The following CYP11B2 variants were observed in gnomAD, a reference collection of about 807,000 sequenced individuals.
The protein encoded by CYP11B2 is cytochrome P450 family 11 subfamily B member 2.
Under a neutral mutation model 49.3 loss-of-function variants are expected in CYP11B2, and 38 were observed. The observed-to-expected ratio is 0.77, with a 90% CI of 0.59 to 1.01. The LOEUF (loss-of-function observed/expected upper bound fraction) is 1.01, where lower values mean the gene tolerates loss of function less well. Ranked by LOEUF, CYP11B2 falls within the 50% of genes least tolerant of loss-of-function variation. CYP11B2 has a pLI of 0.00. For missense variants in CYP11B2, 669 were observed against 655.5 expected (o/e 1.02, Z -0.23); for synonymous variants, 290 against 269.3 (o/e 1.08, Z -0.75).
chr8:142,913,310 G>C lies in CYP11B2; in HGVS notation c.1096C>G (p.Arg366Gly). The C allele has an allele frequency of 6.2e-7, 1 of 1,613,868 alleles. No homozygotes were observed. Among genetic ancestry groups the C allele is most frequent in the Non-Finnish European group, 8.5e-7 (1 of 1,179,998 alleles). ...QKATTELPLL[R>G]AALKETLRLY... ...CGCAAGGTCTCCTTGAGGGCCGCCCGCAGCAAGGGCAGCTCGGTGGTTGCC... is the reference window on the plus strand; with the variant it reads ...CGCAAGGTCTCCTTGAGGGCCGCCCCCAGCAAGGGCAGCTCGGTGGTTGCC... The change falls in exon 6 of 9, where the codon CGG (arginine) becomes GGG (glycine). Residue 366 changes from arginine (R) to glycine (G), a missense_variant. Physicochemically the swap from Arg to Gly is moderately radical, Grantham distance 125 (BLOSUM62 -2). Coordinates refer to ENST00000323110, the MANE Select transcript of CYP11B2 (RefSeq NM_000498.3).
intron 1 of CYP11B2, 52 bp from the exon 2 acceptor site, chr8:142,917,266 C>T: frequency 8.1e-6 from 13 of 1,595,418 alleles, no homozygotes; most frequent in Non-Finnish European, 1.1e-5. Context: ...CCCTCGTGGC[C>T]CCACCCTGCA....
chr8:142,913,463 A>G lies in CYP11B2; in HGVS notation c.955-12T>C, dbSNP rs2130326917. The G allele has an allele frequency of 1.9e-6, 3 of 1,614,018 alleles. No individual in the cohort carries two copies. The highest frequency in any genetic ancestry group is 1.6e-4 in the Middle Eastern group (1 of 6,062). The stretch of plus-strand genomic sequence containing the variant: ...AAGGGAAACGCTGTCTACAGAAGCC[A>G]TGTCTGCAGGGTCAGACCTTGCACA... On this transcript the variant is annotated splice_polypyrimidine_tract_variant and intron_variant, in intron 5 of 8. Transcript: ENST00000323110.
intron 5 of CYP11B2, 83 bp from the exon 6 acceptor site, chr8:142,913,534 T>C: frequency 1.9e-6 from 3 of 1,544,464 alleles, no homozygotes; most frequent in Non-Finnish European, 2.7e-6. Flanking sequence ...AACCTCCCTC[T>C]GAGGGGTGGA....
chr8:142,914,383 C>T lies in CYP11B2; in HGVS notation c.835G>A (p.Ala279Thr). 6.2e-7 allele frequency: 1 copy of T among 1,613,436 alleles called. No homozygotes were observed. The highest frequency in any genetic ancestry group is 8.5e-7 in the Non-Finnish European group (1 of 1,179,538). Residue 279 changes from alanine to threonine, a missense_variant, in exon 5 of 9, where the codon GCC (alanine) becomes ACC (threonine). Coordinates refer to ENST00000323110, the MANE Select transcript of CYP11B2 (RefSeq NM_000498.3). ...GTGTAGTGTTGAGGGCGGTTGAAGG[C>T]CAGTTCCTGGTAGATTTTCTGGATA... is the stretch of plus-strand genomic sequence containing the variant. ...NCIQKIYQEL[A>T]FNRPQHYTGI... is the part of the protein sequence containing the mutation.
chr8:142,913,575 C>T lies in CYP11B2; in HGVS notation c.955-124G>A, dbSNP rs1189840547. 17 of 1,081,244 alleles carry T rather than the reference C, an allele frequency of 1.6e-5. No individual in the cohort carries two copies. The East Asian group carries it at 4.3e-4, about 27-fold the overall frequency. The allele number at this position is 1,081,244 out of a possible 1,614,324, so 67.0% of individuals were successfully genotyped here. A position where few individuals can be genotyped will look rare whatever the true frequency, so the allele number is the denominator to read the frequency against. On this transcript the variant is annotated intron_variant, in intron 5 of 8. Coordinates refer to ENST00000323110, the MANE Select transcript of CYP11B2 (RefSeq NM_000498.3). Reference sequence around the variant, plus strand: ...CCATGCCCTGAGCAAAAACAGAGCCCTGGGACCCCGGATCTGAAACCTTGA... The same window carrying T: ...CCATGCCCTGAGCAAAAACAGAGCCTTGGGACCCCGGATCTGAAACCTTGA...
rs1157420759 is a variant in CYP11B2 at position 142,912,037 on chromosome 8, G to A, written c.1455C>T (p.Tyr485=). 2.5e-6 allele frequency: 4 copies of A among 1,613,972 alleles called. No individual in the cohort carries two copies. The highest frequency in any genetic ancestry group is 1.6e-4 in the Middle Eastern group (1 of 6,084). ...ACGTGCCAGGCCTCAATATGAAGCT[G>A]TAGACCATCTTTATGTCCTCTTGAG... ...TLTQEDIKMV[Y]SFILRPGTSP... is the part of the protein sequence containing the mutation. The change falls in exon 9 of 9, where the codon TAC becomes TAT. Residue 485 remains tyrosine, a synonymous_variant. Transcript: ENST00000323110.
At chr8:142,913,250 G>C in intron 6 of CYP11B2, 35 bp downstream of exon 6, 1 of 1,608,366 alleles carries the variant, frequency 6.2e-7, no homozygotes, top group Middle Eastern at 1.8e-4. Flanking sequence ...CCAGCAGGGG[G>C]CCAGGGCCAC....
At chr8:142,913,639 A>C (rs1817582060) in intron 5 of CYP11B2, among the ~76,000 whole-genome samples, 188 bp from the exon 6 acceptor site, 1 of 152,050 alleles carries the variant, frequency 6.6e-6, no homozygotes, top group Admixed American at 6.5e-5. Flanking sequence ...CTTCAGGGAA[A>C]GGTGACCCCC....
Position 142,914,393 on chromosome 8 carries a change from G to T in CYP11B2, c.825C>A (p.Tyr275Ter). 6.2e-7 allele frequency: 1 copy of T among 1,612,296 alleles called. No homozygotes were observed. The highest frequency in any genetic ancestry group is 8.5e-7 in the Non-Finnish European group (1 of 1,179,528). Reference protein sequence around the residue: ...QYGDNCIQKIYQELAFNRPQH... With the variant: ...QYGDNCIQKI Reference sequence around the variant, plus strand: ...GAGGGCGGTTGAAGGCCAGTTCCTGGTAGATTTTCTGGATACAGTTGTCAC... The same window carrying T: ...GAGGGCGGTTGAAGGCCAGTTCCTGTTAGATTTTCTGGATACAGTTGTCAC... The change falls in exon 5 of 9, where the codon TAC (tyrosine) becomes TAA (stop). Residue 275 changes from tyrosine (Y) to a stop codon, truncating the protein, a stop_gained. Coordinates refer to ENST00000323110, the MANE Select transcript of CYP11B2 (RefSeq NM_000498.3). LOFTEE classifies it high-confidence loss of function.
intron 6 of CYP11B2, 40 bp from the exon 7 acceptor site, chr8:142,912,925 A>T: frequency 1.3e-6 from 2 of 1,581,714 alleles, no homozygotes; most frequent in South Asian, 2.2e-5. Context: ...CCTCAGCTGG[A>T]TGGGGCTTCC....
Position 142,917,193 on chromosome 8 carries a change from G to A in CYP11B2, c.261C>T (p.Arg87=). ...PIFRYNLGGP[R]MVCVMLPEDV... is the part of the protein sequence containing the mutation. ...CCTCCGGCAGCATCACACACACCATGCGTGGTCCTCCCAAGTTGTACCTGT... is the reference window on the plus strand; with the variant it reads ...CCTCCGGCAGCATCACACACACCATACGTGGTCCTCCCAAGTTGTACCTGT... Residue 87 remains arginine (R), a synonymous_variant, in exon 2 of 9, where the codon CGC becomes CGT. Transcript: ENST00000323110. The A allele has an allele frequency of 1.2e-6, 2 of 1,614,098 alleles. No individual in the cohort carries two copies. Among genetic ancestry groups the A allele is most frequent in the Non-Finnish European group, 1.7e-6 (2 of 1,180,026 alleles).
Position 142,917,228 on chromosome 8 carries a change from C to G in CYP11B2, c.240-14G>C. ...CCCAAGTTGTACCTGTGGGGCCAAG[C>G]AGGAGGCCCTGCTGGACGGGGTCAT... On this transcript the variant is annotated splice_polypyrimidine_tract_variant and intron_variant, in intron 1 of 8. Coordinates refer to ENST00000323110, the MANE Select transcript of CYP11B2 (RefSeq NM_000498.3). 1.2e-6 allele frequency: 2 copies of G among 1,613,492 alleles called. No individual in the cohort carries two copies. Among genetic ancestry groups the G allele is most frequent in the South Asian group, 1.1e-5 (1 of 91,082 alleles).
At position 142,911,829 on chromosome 8, in the gene CYP11B2, C is replaced by G; in HGVS notation, c.*151G>C. Reference sequence around the variant, plus strand: ...TTGACAAGCCTGGCAAGCCCCAGTCCTGGAGGCCCTGGGGAGTTCCATTTG... The same window carrying G: ...TTGACAAGCCTGGCAAGCCCCAGTCGTGGAGGCCCTGGGGAGTTCCATTTG... On this transcript the variant is annotated 3_prime_UTR_variant, in exon 9 of 9. Coordinates refer to ENST00000323110, the MANE Select transcript of CYP11B2 (RefSeq NM_000498.3). 8.2e-7 allele frequency: 1 copy of G among 1,214,100 alleles called. No homozygotes were observed. The highest frequency in any genetic ancestry group is 1.2e-6 in the Non-Finnish European group (1 of 867,340). The allele number at this position is 1,214,100 out of a possible 1,614,324, so 75.2% of individuals were successfully genotyped here. A position where few individuals can be genotyped will look rare whatever the true frequency, so the allele number is the denominator to read the frequency against.
intron 2 of CYP11B2, chr8:142,916,656 C>T (rs1336010608): frequency 2.4e-5 from 9 of 380,980 alleles, no homozygotes; most frequent in East Asian, 7.0e-5. Flanking sequence ...GTGGCCCCGG[C>T]GAACACCAGG....
intron 5 of CYP11B2, 146 bp downstream of exon 5, chr8:142,914,118 A>C: frequency 1.1e-6 from 1 of 901,910 alleles, no homozygotes; most frequent in African/African-American, 1.6e-5. Context: ...TCCCTTAACA[A>C]AGGAGGGGGA....
chr8:142,915,274 GC>G (rs1196904342), intron 2 of CYP11B2, 29 bp from the exon 3 acceptor site: 2 of 1,571,222 alleles, frequency 1.3e-6, no homozygotes, highest in African/African-American at 2.7e-5. Context: ...AGCTTGTGAG[GC>G]CGCCCCAGCA....
chr8:142,912,315 A>C (rs1817550148), intron 8 of CYP11B2, among the ~76,000 whole-genome samples: 1 of 151,036 alleles, frequency 6.6e-6, no homozygotes, highest in African/African-American at 2.4e-5. Flanking sequence ...GCTCCACCCC[A>C]CTCCCCTAGT....
At position 142,913,283 on chromosome 8, in the gene CYP11B2, A is replaced by G; in HGVS notation, c.1121+2T>C. The G allele has an allele frequency of 6.2e-7, 1 of 1,612,732 alleles. No individual in the cohort carries two copies. Among genetic ancestry groups the G allele is most frequent in the Non-Finnish European group, 8.5e-7 (1 of 1,179,762 alleles). On this transcript the variant is annotated splice_donor_variant, in intron 6 of 8. Transcript: ENST00000323110. LOFTEE classifies it high-confidence loss of function. ...CACAGGGAGGCCTCAGCCAGCACCC[A>G]CCGCAAGGTCTCCTTGAGGGCCGCC...
In CYP11B2 at chr8:142,917,074, C is replaced by T. The variant is rs754048592; in HGVS notation, c.380G>A (p.Cys127Tyr). ...CGCCGCTTACAACAAGAACACGCCA[C>T]ATTTGTGCCCACGATGTTGTCTGTA... ...VAYRQHRGHK[C>Y]GVFLLNGPEW... The change falls in exon 2 of 9, where the codon TGT becomes TAT. Residue 127 changes from cysteine (C) to tyrosine (Y), a missense_variant. Physicochemically the swap from Cys to Tyr is radical, Grantham distance 194. Coordinates refer to ENST00000323110, the MANE Select transcript of CYP11B2 (RefSeq NM_000498.3). 3.1e-6 allele frequency: 5 copies of T among 1,614,216 alleles called. No homozygotes were observed. Among genetic ancestry groups the T allele is most frequent in the East Asian group, 2.2e-5 (1 of 44,880 alleles).
Sources: allele counts gnomAD v4.1 joint callset (sites outside exome capture counted in the v4.1 genomes callset), GRCh38; gene constraint gnomAD v4.1.1; transcripts MANE v1.5; gene names NCBI Gene and HGNC (gene_info 2026-07-23, HGNC 2026-07-21).